SLC35E1: variants seen among roughly 807,000 people sequenced by gnomAD.
SLC35E1 encodes the protein solute carrier family 35 member E1.
SLC35E1 carries 12 observed loss-of-function variants against 31.0 expected under a neutral mutation model. The ratio of observed to expected loss-of-function variants is 0.39; its 90% confidence interval spans 0.25 to 0.63. The LOEUF is 0.63. SLC35E1 is among the 20% of genes least tolerant of loss of function. The pLI is 0.52. For missense variants in SLC35E1, 429 were observed against 572.2 expected, an observed-to-expected ratio of 0.75 and a Z score of 2.55; for synonymous variants, 257 against 264.1, an observed-to-expected ratio of 0.97 and a Z score of 0.26.
chr19:16,554,762 A>G lies in SLC35E1; in HGVS notation c.1002+390T>C, dbSNP rs988132472. Among the ~76,000 whole-genome samples the G allele has an allele frequency of 4.2e-4, 63 of 150,136 alleles. 1 individual carries two copies. Among genetic ancestry groups the G allele is most frequent in the East Asian group, 3.6e-3 (18 of 5,060 alleles). ...GACCCCGGGAGGCGGAGGTTGCAGT[A>G]AGCTGGGATGGAGCGCCACTGCAAT... On this transcript the variant is annotated intron_variant, in intron 5 of 5. Transcript: ENST00000595753.
At chr19:16,556,325 C>A (rs1055688520) in intron 4 of SLC35E1, among the ~76,000 whole-genome samples, 3 of 150,388 alleles carry the variant, frequency 2.0e-5, no homozygotes, top group African/African-American at 2.5e-5. Context: ...CTGGGCAACA[C>A]AGTGAGACCC....
chr19:16,558,511 A>G (rs2085887964), intron 4 of SLC35E1, among the ~76,000 whole-genome samples: 1 of 150,828 alleles, frequency 6.6e-6, no homozygotes, highest in Non-Finnish European at 1.5e-5. Flanking sequence ...TAATTTTTCT[A>G]TTTTTAGTAG....
At chr19:16,557,265 C>G in intron 4 of SLC35E1, 1 of 249,698 alleles carries the variant, frequency 4.0e-6, no homozygotes, top group South Asian at 4.4e-5. Flanking sequence ...GCGATCTCTG[C>G]TCACTGCAAG....
chr19:16,555,558 G>C lies in SLC35E1; in HGVS notation c.757-161C>G. The C allele has an allele frequency of 1.1e-6, 1 of 906,314 alleles. No homozygotes were observed. The allele number at this position is 906,314 out of a possible 1,614,324, so 56.1% of individuals were successfully genotyped here. Reference sequence around the variant, plus strand: ...CAGATGTGTCACCAAGAGACACTAGGTGCTTTAGGTCCATGACCTCAGAAC... The same window carrying C: ...CAGATGTGTCACCAAGAGACACTAGCTGCTTTAGGTCCATGACCTCAGAAC... On this transcript the variant is annotated intron_variant, in intron 4 of 5. Coordinates refer to ENST00000595753, the MANE Select transcript of SLC35E1 (RefSeq NM_024881.5). The surrounding 1 kb of genome is among the most constrained non-coding windows in gnomAD (Gnocchi z 4.1).
Position 16,570,250 on chromosome 19 carries a change from A to C in SLC35E1, c.492+1262T>G, listed in dbSNP as rs2085950902. Among the ~76,000 whole-genome samples, 2 of 152,256 alleles carry C rather than the reference A, an allele frequency of 1.3e-5. 1 individual carries two copies. Among genetic ancestry groups the C allele is most frequent in the South Asian group, 4.1e-4 (2 of 4,824 alleles). On this transcript the variant is annotated intron_variant, in intron 2 of 5. Transcript: ENST00000595753. The stretch of plus-strand genomic sequence containing the variant: ...GCTACACACCTCAGGGACAACTCTG[A>C]CTTCTCAGGAGCCAAGTCACAGCCT...
rs1406554793 is a variant in SLC35E1, at chr19:16,571,677, C to G, written c.422-95G>C. ...GCGGGATGGGAGGGCCTGGCAGCCC[C>G]TCACACCTCTTCGCCCCTTCTCTTT... On this transcript the variant is annotated intron_variant, in intron 1 of 5. Coordinates refer to ENST00000595753, the MANE Select transcript of SLC35E1 (RefSeq NM_024881.5). 2.2e-6 allele frequency: 3 copies of G among 1,337,862 alleles called. No individual in the cohort carries two copies. The Admixed American group carries it at 5.1e-5, about 23-fold the overall frequency. 82.9% of individuals were successfully genotyped at this position (1,337,862 alleles called of 1,614,324 possible). A position where few individuals can be genotyped will look rare whatever the true frequency, so the allele number is the denominator to read the frequency against.
At chr19:16,554,496 T>C (rs2085864444) in intron 5 of SLC35E1, among the ~76,000 whole-genome samples, 2 of 151,524 alleles carry the variant, frequency 1.3e-5, no homozygotes, top group African/African-American at 2.4e-5. Context: ...CTGGACAAAA[T>C]AGAGAGACCC....
chr19:16,560,187 C>T (rs760929322), intron 4 of SLC35E1, among the ~76,000 whole-genome samples: 2 of 152,130 alleles, frequency 1.3e-5, no homozygotes, highest in East Asian at 1.9e-4. Flanking sequence ...CGCTCAGGGG[C>T]GAGCCTGGGA....
Position 16,571,900 on chromosome 19 carries a change from C to T in SLC35E1, c.421+44G>A, listed in dbSNP as rs769993317. 9.9e-6 allele frequency: 15 copies of T among 1,518,518 alleles called. No individual in the cohort carries two copies. In the South Asian group the frequency reaches 1.8e-4, roughly 19 times the overall value. The allele number at this position is 1,518,518 out of a possible 1,614,324, so 94.1% of individuals were successfully genotyped here. A position where few individuals can be genotyped will look rare whatever the true frequency, so the allele number is the denominator to read the frequency against. On this transcript the variant is annotated intron_variant, in intron 1 of 5. Transcript: ENST00000595753. ...CCTATCCATGCGCCCAAACCCGAAG[C>T]GGCGGGCCCGGCCGCCGCCCCCGAG...
intron 2 of SLC35E1, among the ~76,000 whole-genome samples, chr19:16,570,179 C>T (rs976155648): frequency 6.6e-6 from 1 of 152,166 alleles, no homozygotes. Context: ...TACAATGTCC[C>T]GTACAACGGG....
At chr19:16,565,814 C>CA (rs2085929240) in intron 4 of SLC35E1, 1 of 69,280 alleles carries the variant, frequency 1.4e-5, no homozygotes, top group Non-Finnish European at 2.5e-5. Flanking sequence ...CTGCGCCCGG[C>CA]TTTTTTTTTT....
At chr19:16,566,016 A>C (rs1360519884) in intron 4 of SLC35E1, 1 of 151,086 alleles carries the variant, frequency 6.6e-6, no homozygotes. Flanking sequence ...AAATCAAACA[A>C]AAAAAAATTA....
Position 16,553,783 on chromosome 19 carries a change from G to C in SLC35E1, c.1129C>G (p.His377Asp). ...KPHNGLLFPQ[H>D]GDYQYGRNNI... is the part of the protein sequence containing the mutation. ...TTGCGGCCGTACTGATAGTCCCCGT[G>C]CTGGGGGAAGAGGAGGCCGTTGTGG... The change falls in exon 6 of 6, where the codon CAC becomes GAC. Residue 377 changes from histidine (H) to aspartate (D), a missense_variant. Coordinates refer to ENST00000595753, the MANE Select transcript of SLC35E1 (RefSeq NM_024881.5). 1 of 1,613,914 alleles carries C rather than the reference G, an allele frequency of 6.2e-7. No individual in the cohort carries two copies.
intron 4 of SLC35E1, among the ~76,000 whole-genome samples, chr19:16,563,223 C>T (rs1300408875): frequency 6.6e-6 from 1 of 151,962 alleles, no homozygotes; most frequent in Non-Finnish European, 1.5e-5. Context: ...ACTCGGGAGG[C>T]TGAGGCAGGA....
In SLC35E1 at chr19:16,552,862, G is replaced by C. The variant is rs2085852651; in HGVS notation, c.*817C>G. ...TCAAAAGACATGTGCCACAGAAATA[G>C]AGCTTGAAATACTGAACACGATTTC... On this transcript the variant is annotated 3_prime_UTR_variant, in exon 6 of 6. Transcript: ENST00000595753. 1 of 152,174 alleles carries C rather than the reference G, an allele frequency of 6.6e-6. No individual in the cohort carries two copies. The allele number at this position is 152,174 out of a possible 1,614,324, so 9.4% of individuals were successfully genotyped here.
chr19:16,553,469 T>G lies in SLC35E1; in HGVS notation c.*210A>C. ...AAGAGCATGAGACACTGGTCTCTGTTTAGGTTTGCCCAGAGCTCACGGCCG... is the reference window on the plus strand; with the variant it reads ...AAGAGCATGAGACACTGGTCTCTGTGTAGGTTTGCCCAGAGCTCACGGCCG... On this transcript the variant is annotated 3_prime_UTR_variant, in exon 6 of 6. Transcript: ENST00000595753. 5.1e-6 allele frequency: 2 copies of G among 395,692 alleles called. No individual in the cohort carries two copies. The highest frequency in any genetic ancestry group is 3.8e-5 in the East Asian group (1 of 26,162). 24.5% of individuals were successfully genotyped at this position (395,692 alleles called of 1,614,324 possible).
chr19:16,559,224 G>C (rs1158308773), intron 4 of SLC35E1, among the ~76,000 whole-genome samples: 1 of 151,988 alleles, frequency 6.6e-6, no homozygotes, highest in Admixed American at 6.6e-5. Context: ...GCTGAGGTAG[G>C]AGAATCACTT....
In SLC35E1 at chr19:16,555,580, G is replaced by A; in HGVS notation, c.757-183C>T. 1 of 712,522 alleles carries A rather than the reference G, an allele frequency of 1.4e-6. No individual in the cohort carries two copies. Among genetic ancestry groups the A allele is most frequent in the South Asian group, 1.9e-5 (1 of 52,352 alleles). 44.1% of individuals were successfully genotyped at this position (712,522 alleles called of 1,614,324 possible). A position where few individuals can be genotyped will look rare whatever the true frequency, so the allele number is the denominator to read the frequency against. On this transcript the variant is annotated intron_variant, in intron 4 of 5. Transcript: ENST00000595753. This position sits in a 1 kb window ranked among gnomAD's most constrained non-coding sequence, Gnocchi z 4.1. ...TAGGTGCTTTAGGTCCATGACCTCA[G>A]AACCTCATGACACCACACAGCATGG...
chr19:16,559,722 CT>C (rs1311777913), intron 4 of SLC35E1, among the ~76,000 whole-genome samples: 1 of 152,184 alleles, frequency 6.6e-6, no homozygotes, highest in Non-Finnish European at 1.5e-5. Flanking sequence ...TCTCCAGAGT[CT>C]TTACTTTGCT....
Sources: allele counts gnomAD v4.1 joint callset (sites outside exome capture counted in the v4.1 genomes callset), GRCh38; gene constraint gnomAD v4.1.1; non-coding constraint Gnocchi (gnomAD v3.1); transcripts MANE v1.5; gene names NCBI Gene and HGNC (gene_info 2026-07-23, HGNC 2026-07-21).